The following PAPPA2 variants were observed in gnomAD, a reference collection of about 807,000 sequenced individuals.
PAPPA2 encodes pappalysin-2.
A neutral mutation model predicts 176.4 loss-of-function variants in PAPPA2; 86 were observed. The ratio of observed to expected loss-of-function variants is 0.49; its 90% confidence interval spans 0.41 to 0.58. The LOEUF (loss-of-function observed/expected upper bound fraction) is 0.58. Among genes scored for constraint, PAPPA2 ranks in the 20% least tolerant of loss-of-function variants. The pLI, the probability that PAPPA2 is intolerant of heterozygous loss-of-function variation, is 0.00. For missense variants in PAPPA2, 2,073 were observed against 2,256.9 expected, an observed-to-expected ratio of 0.92 and a Z score of 1.65; for synonymous variants, 809 against 852.2, an observed-to-expected ratio of 0.95 and a Z score of 0.88.
chr1:176,557,774 T>C (rs1050860669), intron 2 of PAPPA2, among the ~76,000 whole-genome samples: 1 of 152,136 alleles, frequency 6.6e-6, no homozygotes, highest in Non-Finnish European at 1.5e-5. Context: ...AAGGTGCCCT[T>C]TGGTCCAGGT....
intron 12 of PAPPA2, among the ~76,000 whole-genome samples, chr1:176,712,476 A>G (rs1239199601): frequency 1.3e-5 from 2 of 152,180 alleles, no homozygotes; most frequent in Non-Finnish European, 2.9e-5. Flanking sequence ...CTTATTTGGC[A>G]TTATATTTGT....
Position 176,843,621 on chromosome 1 carries a change from G to T in PAPPA2, c.*1167G>T, listed in dbSNP as rs1055404187. 10 of 152,168 alleles carry T rather than the reference G, an allele frequency of 6.6e-5. No homozygotes were observed. Among genetic ancestry groups the T allele is most frequent in the African/African-American group, 2.2e-4 (9 of 41,444 alleles). 9.4% of individuals were successfully genotyped at this position (152,168 alleles called of 1,614,324 possible). On this transcript the variant is annotated 3_prime_UTR_variant, in exon 23 of 23. Coordinates refer to ENST00000367662, the MANE Select transcript of PAPPA2 (RefSeq NM_020318.3). Reference sequence around the variant, plus strand: ...AGTCTCCAAGTCTGGCCAGTCACATGACCAAGTGTTGATTTTTCTGGAGGA... The same window carrying T: ...AGTCTCCAAGTCTGGCCAGTCACATTACCAAGTGTTGATTTTTCTGGAGGA...
chr1:176,765,610 C>A, intron 14 of PAPPA2, 56 bp from the exon 15 acceptor site: 1 of 1,541,590 alleles, frequency 6.5e-7, no homozygotes, highest in Non-Finnish European at 8.8e-7. Context: ...AAAGTCATTG[C>A]TCCTCCTTAC....
At chr1:176,513,887 A>G (rs1440388071) in intron 1 of PAPPA2, among the ~76,000 whole-genome samples, 1 of 152,184 alleles carries the variant, frequency 6.6e-6, no homozygotes, top group East Asian at 1.9e-4. Context: ...TGAAGCGAGC[A>G]TGCTGTCCGA....
At chr1:176,493,041 A>C (rs1056190317) in intron 1 of PAPPA2, among the ~76,000 whole-genome samples, 2 of 152,228 alleles carry the variant, frequency 1.3e-5, no homozygotes, top group Non-Finnish European at 2.9e-5. Context: ...CAATCCAATA[A>C]ATTGATTATA....
intron 12 of PAPPA2, among the ~76,000 whole-genome samples, chr1:176,726,397 T>C (rs10442600): frequency 0.074 from 11,226 of 152,256 alleles, 526 homozygotes; most frequent in Middle Eastern, 0.11. Flanking sequence ...GTAGTCAAGA[T>C]TGTATGTTCA....
intron 2 of PAPPA2, among the ~76,000 whole-genome samples, chr1:176,568,482 A>T (rs6660397): frequency 0.015 from 2,233 of 152,306 alleles, 56 homozygotes; most frequent in African/African-American, 0.051. Context: ...CAGAGCCAAG[A>T]TGTGAACCTG....
At chr1:176,646,934 A>C (rs1657428675) in intron 3 of PAPPA2, among the ~76,000 whole-genome samples, 1 of 151,500 alleles carries the variant, frequency 6.6e-6, no homozygotes, top group Non-Finnish European at 1.5e-5. Context: ...CCTAGCAGTG[A>C]GATTGCTGGA....
At chr1:176,711,310 A>G (rs573537692) in intron 11 of PAPPA2, among the ~76,000 whole-genome samples, 1 of 152,286 alleles carries the variant, frequency 6.6e-6, no homozygotes, top group East Asian at 1.9e-4. Context: ...ACAGGAAGCC[A>G]GGGAAGTTGG....
intron 17 of PAPPA2, among the ~76,000 whole-genome samples, chr1:176,774,647 C>T (rs761598503): frequency 1.4e-4 from 22 of 152,156 alleles, no homozygotes; most frequent in East Asian, 3.8e-4. Flanking sequence ...TGTCTCCAGT[C>T]TTTTCTCCTT....
intron 15 of PAPPA2, among the ~76,000 whole-genome samples, 154 bp downstream of exon 15, chr1:176,765,991 A>C (rs1002113651): frequency 6.6e-6 from 1 of 152,216 alleles, no homozygotes; most frequent in African/African-American, 2.4e-5. Flanking sequence ...ATGATGGCTT[A>C]ATAGAAATGC....
intron 14 of PAPPA2, among the ~76,000 whole-genome samples, chr1:176,747,516 A>T (rs1451966321): frequency 6.6e-6 from 1 of 152,340 alleles, no homozygotes; most frequent in African/African-American, 2.4e-5. Flanking sequence ...AAATAAAAAA[A>T]TAAAAATCTT....
chr1:176,537,959 A>G (rs1028596073), intron 1 of PAPPA2, among the ~76,000 whole-genome samples: 8 of 151,714 alleles, frequency 5.3e-5, no homozygotes, highest in African/African-American at 1.5e-4. Flanking sequence ...CCTGAATCCA[A>G]CCATTCAGCC....
At chr1:176,509,832 G>A (rs953598810) in intron 1 of PAPPA2, among the ~76,000 whole-genome samples, 25 of 150,698 alleles carry the variant, frequency 1.7e-4, no homozygotes, top group African/African-American at 5.9e-4. Context: ...GCAAAACCCC[G>A]TTTCTACAAA....
intron 7 of PAPPA2, among the ~76,000 whole-genome samples, chr1:176,697,497 C>T (rs1571191333): frequency 6.6e-6 from 1 of 152,146 alleles, no homozygotes; most frequent in South Asian, 2.1e-4. Flanking sequence ...AAAATATACA[C>T]TATAAGAGTA....
chr1:176,799,830 AG>A (rs1238292229), intron 20 of PAPPA2, among the ~76,000 whole-genome samples: 3 of 152,022 alleles, frequency 2.0e-5, no homozygotes, highest in Non-Finnish European at 4.4e-5. Flanking sequence ...GAGGATGAAA[AG>A]TTTCGAGAAA....
chr1:176,778,427 A>G (rs1007347284), intron 17 of PAPPA2, among the ~76,000 whole-genome samples: 4 of 152,210 alleles, frequency 2.6e-5, no homozygotes, highest in East Asian at 1.9e-4. Context: ...TCCTGGAGAC[A>G]TTACCCAGAT....
chr1:176,667,754 A>G (rs536225974), intron 3 of PAPPA2, among the ~76,000 whole-genome samples: 3 of 152,242 alleles, frequency 2.0e-5, no homozygotes, highest in African/African-American at 7.2e-5. Context: ...TACTGATTCA[A>G]CTTCCTTCAG....
chr1:176,738,645 AC>A (rs963995771), intron 12 of PAPPA2, among the ~76,000 whole-genome samples: 1 of 152,152 alleles, frequency 6.6e-6, no homozygotes, highest in African/African-American at 2.4e-5. Context: ...TTCTGATCAT[AC>A]AACACCAATA....
Sources: allele counts gnomAD v4.1 joint callset (sites outside exome capture counted in the v4.1 genomes callset), GRCh38; gene constraint gnomAD v4.1.1; transcripts MANE v1.5; gene names NCBI Gene and HGNC (gene_info 2026-07-23, HGNC 2026-07-21).